The following UNC5A variants were observed in gnomAD, a reference collection of about 807,000 sequenced individuals.
UNC5A encodes the protein unc-5 netrin receptor A, also known as netrin receptor UNC5A.
In UNC5A, 20 loss-of-function variants were observed where a neutral mutation model predicts 87.4. That is an observed-to-expected ratio of 0.23 (90% CI 0.16 to 0.33). The LOEUF is 0.33. Ranked by LOEUF, UNC5A falls within the 10% of genes least tolerant of loss-of-function variation. The pLI is 1.00. For missense variants in UNC5A, 844 were observed against 1,133.4 expected, an observed-to-expected ratio of 0.74 and a Z score of 3.67; for synonymous variants, 438 against 482.3, an observed-to-expected ratio of 0.91 and a Z score of 1.20.
chr5:176,868,935 G>A lies in UNC5A; in HGVS notation c.692G>A (p.Arg231His), dbSNP rs781141893. Residue 231 changes from arginine (R) to histidine (H), a missense_variant, in exon 5 of 15, where the codon CGC (arginine) becomes CAC (histidine). Physicochemically the swap from Arg to His is conservative, Grantham distance 29. Transcript: ENST00000329542. ...CVAKNIVARRRSASAAVIVYV... is the reference protein window; with the variant it reads ...CVAKNIVARRHSASAAVIVYV... The stretch of plus-strand genomic sequence containing the variant: ...GCCAAGAACATCGTGGCACGTCGCC[G>A]CAGCGCCTCCGCTGCTGTCATCGTC... The A allele has an allele frequency of 2.2e-5, 35 of 1,610,650 alleles. No homozygotes were observed. Among genetic ancestry groups the A allele is most frequent in the Admixed American group, 5.0e-5 (3 of 59,826 alleles).
At chr5:176,879,572 C>A in intron 14 of UNC5A, 84 bp downstream of exon 14, 6 of 1,543,592 alleles carry the variant, frequency 3.9e-6, no homozygotes, top group Non-Finnish European at 5.2e-6. Context: ...GGACAGGAGG[C>A]CCTGTGGGGC....
intron 1 of UNC5A, among the ~76,000 whole-genome samples, chr5:176,835,914 C>CTTCT (rs1757140242): frequency 1.3e-5 from 2 of 152,190 alleles, no homozygotes; most frequent in Non-Finnish European, 2.9e-5. Context: ...AATAAACAGT[C>CTTCT]TTCTGGATAG....
At chr5:176,828,673 GACTT>G (rs1335794259) in intron 1 of UNC5A, among the ~76,000 whole-genome samples, 2 of 152,166 alleles carry the variant, frequency 1.3e-5, no homozygotes, top group East Asian at 1.9e-4. Context: ...TGACTTTCTT[GACTT>G]ACTTACTTGT....
In UNC5A at chr5:176,838,678, C is replaced by T. The variant is rs1315008874; in HGVS notation, c.71-23946C>T. On this transcript the variant is annotated intron_variant, in intron 1 of 14. Transcript: ENST00000329542. This position sits in a 1 kb window ranked among gnomAD's most constrained non-coding sequence, Gnocchi z 4.2. ...TCGGCTTCCCCAGGGCATCCCCTAACATCTCTACACTCTCCCTGTCTTGGT... is the reference window on the plus strand; with the variant it reads ...TCGGCTTCCCCAGGGCATCCCCTAATATCTCTACACTCTCCCTGTCTTGGT... 3.9e-5 allele frequency among the ~76,000 whole-genome samples: 6 copies of T among 152,224 alleles called. No homozygotes were observed. The highest frequency in any genetic ancestry group is 3.3e-4 in the Admixed American group (5 of 15,288).
At chr5:176,863,773 C>T (rs1757902231) in intron 2 of UNC5A, among the ~76,000 whole-genome samples, 1 of 86,812 alleles carries the variant, frequency 1.2e-5, no homozygotes. Context: ...CTCCCCCTCC[C>T]CTCCTCCTTC....
chr5:176,843,330 A>G (rs1757324706), intron 1 of UNC5A, among the ~76,000 whole-genome samples: 1 of 152,246 alleles, frequency 6.6e-6, no homozygotes, highest in Non-Finnish European at 1.5e-5. Context: ...GAGGGACTCT[A>G]AAGTACTGTG....
intron 1 of UNC5A, among the ~76,000 whole-genome samples, chr5:176,840,539 A>G (rs1039065803): frequency 6.6e-6 from 1 of 152,192 alleles, no homozygotes; most frequent in Non-Finnish European, 1.5e-5. Flanking sequence ...TCTGCCTTTG[A>G]GAGAACCCTC....
At chr5:176,867,365 C>A (rs558879223) in intron 2 of UNC5A, among the ~76,000 whole-genome samples, 2 of 152,274 alleles carry the variant, frequency 1.3e-5, no homozygotes, top group Non-Finnish European at 2.9e-5. Flanking sequence ...CGGAGTCCCC[C>A]CAGCTCACCC....
At position 176,819,209 on chromosome 5, in the gene UNC5A, C is replaced by A. The variant is rs564614711; in HGVS notation, c.70+8389C>A. ...GCCCCAAGCCTGAATCCCAACCCCC[C>A]ACATCTTTGTTACCTGTCTGTGGGT... On this transcript the variant is annotated intron_variant, in intron 1 of 14. Coordinates refer to ENST00000329542, the MANE Select transcript of UNC5A (RefSeq NM_133369.3). 4.2e-4 allele frequency among the ~76,000 whole-genome samples: 64 copies of A among 152,302 alleles called. 2 individuals are homozygous for A. The South Asian group carries it at 0.012, about 28-fold the overall frequency.
intron 8 of UNC5A, among the ~76,000 whole-genome samples, chr5:176,876,128 C>T (rs948075658): frequency 2.6e-5 from 4 of 152,236 alleles, no homozygotes; most frequent in African/African-American, 7.2e-5. Flanking sequence ...GGTTTTCCTT[C>T]GCCGTCCTGA....
At position 176,870,532 on chromosome 5, in the gene UNC5A, A is replaced by C. The variant is rs1253645798; in HGVS notation, c.884A>C (p.His295Pro). The C allele has an allele frequency of 1.3e-6, 2 of 1,586,690 alleles. No individual in the cohort carries two copies. The highest frequency in any genetic ancestry group is 4.5e-5 in the East Asian group (2 of 44,182). ...AACTGTACCAGTGACCTCTGTGTACACAGTGAGTCCTCTCTGCCCTGAGGT... is the reference window on the plus strand; with the variant it reads ...AACTGTACCAGTGACCTCTGTGTACCCAGTGAGTCCTCTCTGCCCTGAGGT... Reference protein sequence around the residue: ...TRNCTSDLCVHTASGPEDVAL... With the variant: ...TRNCTSDLCVPTASGPEDVAL... The change falls in exon 6 of 15, where the codon CAC (histidine) becomes CCC (proline). Residue 295 changes from histidine to proline, a missense_variant and splice_region_variant. Physicochemically the swap from His to Pro is moderately conservative, Grantham distance 77. This residue lies in a region of UNC5A where 314 missense variants were observed against 466.5 expected (regional missense o/e 0.67). Coordinates refer to ENST00000329542, the MANE Select transcript of UNC5A (RefSeq NM_133369.3).
intron 1 of UNC5A, among the ~76,000 whole-genome samples, chr5:176,843,619 G>A (rs979101971): frequency 1.1e-4 from 17 of 152,220 alleles, no homozygotes; most frequent in Admixed American, 3.9e-4. Flanking sequence ...GCAGAGCCGG[G>A]GTGTAGTAAG....
At chr5:176,862,455 C>CG (rs1440491647) in intron 1 of UNC5A, among the ~76,000 whole-genome samples, 169 bp from the exon 2 acceptor site, 3 of 152,184 alleles carry the variant, frequency 2.0e-5, no homozygotes, top group African/African-American at 7.2e-5. Context: ...CATGGAGGCC[C>CG]GGGTGGGGGA....
At chr5:176,811,793 C>T (rs780614429) in intron 1 of UNC5A, among the ~76,000 whole-genome samples, 17 of 152,024 alleles carry the variant, frequency 1.1e-4, no homozygotes, top group Admixed American at 5.9e-4. Flanking sequence ...CTTACCCTGG[C>T]AATTCTCGAT....
chr5:176,833,405 T>C (rs1360704397), intron 1 of UNC5A, among the ~76,000 whole-genome samples: 4 of 152,212 alleles, frequency 2.6e-5, no homozygotes, highest in Admixed American at 6.5e-5. Context: ...TGGTTTTCTC[T>C]TCCGGCATTA....
intron 1 of UNC5A, among the ~76,000 whole-genome samples, chr5:176,815,768 A>T (rs1200132976): frequency 6.6e-6 from 1 of 152,176 alleles, no homozygotes; most frequent in East Asian, 1.9e-4. Context: ...CCACTGACCC[A>T]GGCCCAGGCA....
chr5:176,873,284 C>T (rs577540309), intron 6 of UNC5A, among the ~76,000 whole-genome samples: 4 of 152,198 alleles, frequency 2.6e-5, no homozygotes, highest in Non-Finnish European at 5.9e-5. Context: ...CTGTTAATTA[C>T]AAGGCCATAA....
chr5:176,829,821 T>C (rs1262470881), intron 1 of UNC5A, among the ~76,000 whole-genome samples: 1 of 151,634 alleles, frequency 6.6e-6, no homozygotes, highest in African/African-American at 2.4e-5. Flanking sequence ...ACAAGTTCAT[T>C]ACCACGGGGC....
chr5:176,842,510 T>TATATATATATA (rs1757301926), intron 1 of UNC5A, among the ~76,000 whole-genome samples: 2 of 151,140 alleles, frequency 1.3e-5, no homozygotes, highest in African/African-American at 2.5e-5. Context: ...TATATATATA[T>TATATATATATA]GATGGAATAC....
Sources: gnomAD v4.1 joint callset for allele counts (sites outside exome capture counted in the v4.1 genomes callset) on GRCh38, gnomAD v4.1.1 for gene constraint, gnomAD v4.1.1 regional missense constraint, Gnocchi (gnomAD v3.1) non-coding constraint, MANE v1.5 for transcripts, NCBI Gene and HGNC (gene_info 2026-07-23, HGNC 2026-07-21) for gene names.